TPD52L1: variants seen among roughly 807,000 people sequenced by gnomAD.
The protein encoded by TPD52L1 is tumor protein D53.
Under a neutral mutation model 28.7 loss-of-function variants are expected in TPD52L1, and 18 were observed. The observed-to-expected ratio is 0.63, with a 90% CI of 0.43 to 0.93. The LOEUF (loss-of-function observed/expected upper bound fraction) is 0.93. Among genes scored for constraint, TPD52L1 ranks in the 40% least tolerant of loss-of-function variants. The pLI is 0.00. For missense variants in TPD52L1, 203 were observed against 254.8 expected, an observed-to-expected ratio of 0.80 and a Z score of 1.39; for synonymous variants, 75 against 88.8, an observed-to-expected ratio of 0.84 and a Z score of 0.88.
intron 1 of TPD52L1, chr6:125,154,516 C>G: frequency 1.0e-6 from 1 of 981,938 alleles, no homozygotes; most frequent in Non-Finnish European, 1.2e-6. Context: ...GCCCCCTGAC[C>G]TCCAGCAGAT....
chr6:125,165,309 T>C (rs1161553619), intron 1 of TPD52L1, among the ~76,000 whole-genome samples: 2 of 152,034 alleles, frequency 1.3e-5, no homozygotes, highest in African/African-American at 4.8e-5. Flanking sequence ...TTGAGAAGCA[T>C]TGTTAATGTA....
chr6:125,226,123 C>T (rs987224808), intron 2 of TPD52L1, among the ~76,000 whole-genome samples: 1 of 152,052 alleles, frequency 6.6e-6, no homozygotes, highest in East Asian at 1.9e-4. Flanking sequence ...CCAACTTTTG[C>T]GATTAGTTTT....
chr6:125,245,940 C>T (rs1421011318), intron 3 of TPD52L1, among the ~76,000 whole-genome samples: 1 of 152,202 alleles, frequency 6.6e-6, no homozygotes, highest in African/African-American at 2.4e-5. Flanking sequence ...TTCCACTCAC[C>T]CCCCAGATTC....
At position 125,242,498 on chromosome 6, in the gene TPD52L1, A is replaced by G. The variant is rs112794906; in HGVS notation, c.285-5784A>G. ...AGTATTCGGTGCATATGTATTTAGG[A>G]TTGTGATATTTTCTTATTGGACTAA... On this transcript the variant is annotated intron_variant, in intron 3 of 6. Coordinates refer to ENST00000534000, the MANE Select transcript of TPD52L1 (RefSeq NM_003287.4). Among the ~76,000 whole-genome samples the G allele has an allele frequency of 1.2e-3, 185 of 152,088 alleles. 3 individuals carry two copies. The highest frequency in any genetic ancestry group is 4.1e-3 in the African/African-American group (172 of 41,512).
intron 1 of TPD52L1, among the ~76,000 whole-genome samples, chr6:125,198,142 A>C (rs1347207217): frequency 6.6e-6 from 1 of 152,174 alleles, no homozygotes; most frequent in African/African-American, 2.4e-5. Flanking sequence ...GAAGGAGCCG[A>C]AGCTCTGTCT....
At chr6:125,167,755 C>A (rs1791004145) in intron 1 of TPD52L1, among the ~76,000 whole-genome samples, 1 of 151,982 alleles carries the variant, frequency 6.6e-6, no homozygotes, top group African/African-American at 2.4e-5. Flanking sequence ...ACCAAGACTC[C>A]AGGTCCTCCT....
intron 3 of TPD52L1, among the ~76,000 whole-genome samples, chr6:125,236,157 G>A (rs1210420473): frequency 1.3e-5 from 2 of 152,078 alleles, no homozygotes; most frequent in Non-Finnish European, 2.9e-5. Flanking sequence ...GTAATCTGAA[G>A]GGATTTAGCT....
chr6:125,180,939 C>T (rs1792153153), intron 1 of TPD52L1, among the ~76,000 whole-genome samples: 1 of 150,276 alleles, frequency 6.7e-6, no homozygotes, highest in African/African-American at 2.5e-5. Context: ...GTATTCACAG[C>T]CCTTTCTGGT....
chr6:125,237,962 G>A (rs1301057605), intron 3 of TPD52L1, among the ~76,000 whole-genome samples: 1 of 152,100 alleles, frequency 6.6e-6, no homozygotes, highest in Non-Finnish European at 1.5e-5. Flanking sequence ...GCCCAGGCTT[G>A]AACTCCATTT....
Position 125,178,929 on chromosome 6 carries a change from CTTA to C in TPD52L1, c.19+24965_19+24967del, listed in dbSNP as rs533754333. ...TGGTGACTCTGGTGAATACTCTGAA[CTTA>C]TTATTGTTTGTCCACAACTCCCTGA... On this transcript the variant is annotated intron_variant, in intron 1 of 6. Coordinates refer to ENST00000534000, the MANE Select transcript of TPD52L1 (RefSeq NM_003287.4). Among the ~76,000 whole-genome samples, 3 of 152,318 alleles carry C rather than the reference CTTA, an allele frequency of 2.0e-5. 1 individual carries two copies. Among genetic ancestry groups the C allele is most frequent in the Non-Finnish European group, 2.9e-5 (2 of 68,034 alleles).
intron 1 of TPD52L1, among the ~76,000 whole-genome samples, chr6:125,190,875 G>A (rs1489237609): frequency 6.6e-6 from 1 of 152,170 alleles, no homozygotes; most frequent in Non-Finnish European, 1.5e-5. Flanking sequence ...TGGCTTGCCT[G>A]CCACTCACCT....
chr6:125,176,705 G>C (rs1387990435), intron 1 of TPD52L1, among the ~76,000 whole-genome samples: 5 of 152,078 alleles, frequency 3.3e-5, no homozygotes, highest in Non-Finnish European at 1.5e-5. Flanking sequence ...ATAATCAACT[G>C]TTTAGGTCCT....
intron 4 of TPD52L1, chr6:125,253,208 T>C (rs1198288146): frequency 6.2e-6 from 1 of 160,234 alleles, no homozygotes; most frequent in African/African-American, 2.4e-5. Flanking sequence ...CAGAAGTCCC[T>C]ATGGCCTATG....
At chr6:125,184,976 A>ATACT (rs10699569) in intron 1 of TPD52L1, among the ~76,000 whole-genome samples, 8 of 152,302 alleles carry the variant, frequency 5.3e-5, no homozygotes, top group African/African-American at 1.9e-4. Flanking sequence ...TACAAAAACT[A>ATACT]TAAGCAATAT....
intron 1 of TPD52L1, chr6:125,154,211 T>C (rs1323168760): frequency 5.9e-6 from 8 of 1,347,692 alleles, no homozygotes; most frequent in African/African-American, 3.0e-5. Context: ...CCTCAGGAAA[T>C]GCGCCCGTGG....
chr6:125,238,782 T>TA (rs754103187), intron 3 of TPD52L1, among the ~76,000 whole-genome samples: 4 of 152,214 alleles, frequency 2.6e-5, no homozygotes, highest in Non-Finnish European at 5.9e-5. Context: ...GTTTTGGCCT[T>TA]AAAAACAAGA....
Position 125,205,913 on chromosome 6 carries a change from G to A in TPD52L1, c.20-14165G>A, listed in dbSNP as rs557210126. On this transcript the variant is annotated intron_variant, in intron 1 of 6. Transcript: ENST00000534000. ...CCATTTTTAGCCCAAGTTAGGTTTT[G>A]GACAGCCACAAATGTTTCTTTTGAG... Among the ~76,000 whole-genome samples, 12 of 152,274 alleles carry A rather than the reference G, an allele frequency of 7.9e-5. No homozygotes were observed. In the South Asian group the frequency reaches 2.5e-3, roughly 32 times the overall value.
intron 3 of TPD52L1, among the ~76,000 whole-genome samples, chr6:125,237,811 TG>T (rs1259489180): frequency 6.6e-6 from 1 of 150,670 alleles, no homozygotes; most frequent in Non-Finnish European, 1.5e-5. Context: ...GCCCTGATTT[TG>T]TTTTGTTTTG....
At chr6:125,190,797 A>C (rs575020408) in intron 1 of TPD52L1, among the ~76,000 whole-genome samples, 105 of 152,266 alleles carry the variant, frequency 6.9e-4, no homozygotes, top group Non-Finnish European at 1.4e-3. Flanking sequence ...CACTGATCCC[A>C]CAGGTGGCAG....
Sources: allele counts gnomAD v4.1 joint callset (sites outside exome capture counted in the v4.1 genomes callset), GRCh38; gene constraint gnomAD v4.1.1; transcripts MANE v1.5; gene names NCBI Gene and HGNC (gene_info 2026-07-23, HGNC 2026-07-21).